The following ERBB4 variants were observed in gnomAD, a reference collection of about 807,000 sequenced individuals.
ERBB4 encodes receptor tyrosine-protein kinase erbB-4.
Under a neutral mutation model 158.0 loss-of-function variants are expected in ERBB4, and 42 were observed. The observed-to-expected ratio is 0.27, with a 90% confidence interval of 0.21 to 0.34. The LOEUF is 0.34. Among genes scored for constraint, ERBB4 ranks in the 10% least tolerant of loss-of-function variants. The pLI is 1.00. For synonymous variants in ERBB4, 583 were observed against 558.7 expected (o/e 1.04, Z -0.61); for missense variants, 1,333 against 1,624.1 (o/e 0.82, Z 3.08).
At chr2:211,980,957 G>T (rs1490685686) in intron 2 of ERBB4, among the ~76,000 whole-genome samples, 1 of 151,902 alleles carries the variant, frequency 6.6e-6, no homozygotes, top group Non-Finnish European at 1.5e-5. Flanking sequence ...AGAACAGCAG[G>T]GAGCAGCCGT....
chr2:211,627,483 G>A (rs2069906554), intron 17 of ERBB4, among the ~76,000 whole-genome samples: 1 of 152,206 alleles, frequency 6.6e-6, no homozygotes, highest in Non-Finnish European at 1.5e-5. Context: ...CCTAGAAAGT[G>A]TTTTCCTAGA....
At chr2:212,435,679 T>C (rs753825667) in intron 1 of ERBB4, among the ~76,000 whole-genome samples, 3 of 151,916 alleles carry the variant, frequency 2.0e-5, no homozygotes, top group Non-Finnish European at 4.4e-5. Flanking sequence ...AGGTTCTAGA[T>C]GAAGTCTTTT....
chr2:211,547,199 C>G (rs2066963340), intron 20 of ERBB4, among the ~76,000 whole-genome samples: 1 of 151,980 alleles, frequency 6.6e-6, no homozygotes, highest in Non-Finnish European at 1.5e-5. Flanking sequence ...TGAAATCTCT[C>G]TTTAAATTTT....
intron 5 of ERBB4, among the ~76,000 whole-genome samples, chr2:211,739,496 G>A (rs376184960): frequency 1.3e-5 from 2 of 151,942 alleles, no homozygotes; most frequent in Admixed American, 6.6e-5. Context: ...ACAGAGTCTC[G>A]CTCTGTCACC....
At chr2:212,116,061 T>C (rs181826916) in intron 2 of ERBB4, among the ~76,000 whole-genome samples, 108 of 152,190 alleles carry the variant, frequency 7.1e-4, no homozygotes, top group African/African-American at 2.6e-3. Context: ...AAATAATAGA[T>C]TGTTTTCATT....
At chr2:211,842,987 A>G (rs1329629085) in intron 3 of ERBB4, among the ~76,000 whole-genome samples, 1 of 152,154 alleles carries the variant, frequency 6.6e-6, no homozygotes, top group Non-Finnish European at 1.5e-5. Flanking sequence ...GTTATAAAAC[A>G]GTTAAAATCA....
rs537222395 is a variant in ERBB4 at position 211,522,267 on chromosome 2, A to T, written c.2487+39636T>A. ...AGGACTTTGGAAGAAATTGATTCCAACTCTCATGGATGACTTTGAAGGGTT... is the reference window on the plus strand; with the variant it reads ...AGGACTTTGGAAGAAATTGATTCCATCTCTCATGGATGACTTTGAAGGGTT... On this transcript the variant is annotated intron_variant, in intron 20 of 27. Coordinates refer to ENST00000342788, the MANE Select transcript of ERBB4 (RefSeq NM_005235.3). Among the ~76,000 whole-genome samples, 4 of 152,202 alleles carry T rather than the reference A, an allele frequency of 2.6e-5. No homozygotes were observed. The South Asian group carries it at 8.3e-4, about 32-fold the overall frequency.
At chr2:211,999,933 T>C (rs559213430) in intron 2 of ERBB4, among the ~76,000 whole-genome samples, 1 of 151,816 alleles carries the variant, frequency 6.6e-6, no homozygotes, top group Non-Finnish European at 1.5e-5. Context: ...GTGGTTATTA[T>C]GATTATATAA....
Position 211,381,438 on chromosome 2 carries a change from TCCC to T in ERBB4, c.*2174_*2176del. On this transcript the variant is annotated 3_prime_UTR_variant, in exon 28 of 28. Coordinates refer to ENST00000342788, the MANE Select transcript of ERBB4 (RefSeq NM_005235.3). The stretch of plus-strand genomic sequence containing the variant: ...CAATTTGAAGGATGTTTAACTTATA[TCCC>T]AAATGAGTTTAAAGGAGATATCTTA... 1 of 232,064 alleles carries T rather than the reference TCCC, an allele frequency of 4.3e-6. No homozygotes were observed. The highest frequency in any genetic ancestry group is 8.5e-6 in the Non-Finnish European group (1 of 117,346). 14.4% of individuals were successfully genotyped at this position (232,064 alleles called of 1,614,324 possible).
In ERBB4 at chr2:211,576,423, C is replaced by T. The variant is rs546721800; in HGVS notation, c.2302-14335G>A. On this transcript the variant is annotated intron_variant, in intron 19 of 27. Transcript: ENST00000342788. Reference sequence around the variant, plus strand: ...CATGGTATCTTGGGTTTCCATAATGCCTGCCCTAGGAAAGGTCAATTCATG... The same window carrying T: ...CATGGTATCTTGGGTTTCCATAATGTCTGCCCTAGGAAAGGTCAATTCATG... Among the ~76,000 whole-genome samples, 227 of 152,276 alleles carry T rather than the reference C, an allele frequency of 1.5e-3. 3 individuals are homozygous for T. The highest frequency in any genetic ancestry group is 4.9e-3 in the African/African-American group (205 of 41,562).
intron 2 of ERBB4, among the ~76,000 whole-genome samples, chr2:212,024,329 A>T (rs533332976): frequency 1.3e-4 from 17 of 132,944 alleles, no homozygotes; most frequent in East Asian, 1.1e-3. Flanking sequence ...CAAAGCACAT[A>T]AAAAAAAACA....
chr2:211,543,125 T>C (rs1274520865), intron 20 of ERBB4, among the ~76,000 whole-genome samples: 1 of 151,990 alleles, frequency 6.6e-6, no homozygotes, highest in Admixed American at 6.6e-5. Flanking sequence ...GTTTTGCTGA[T>C]AAAATTCTTG....
At chr2:212,047,715 C>T (rs2077293033) in intron 2 of ERBB4, among the ~76,000 whole-genome samples, 1 of 151,120 alleles carries the variant, frequency 6.6e-6, no homozygotes, top group Non-Finnish European at 1.5e-5. Flanking sequence ...AACTCCTGAG[C>T]TCAAGCAATC....
intron 1 of ERBB4, among the ~76,000 whole-genome samples, chr2:212,369,515 A>T (rs2090011203): frequency 6.6e-6 from 1 of 151,728 alleles, no homozygotes; most frequent in South Asian, 2.1e-4. Flanking sequence ...ATTTTTCTTC[A>T]CTCATCTCTA....
At chr2:212,184,300 G>C (rs1409345466) in intron 1 of ERBB4, among the ~76,000 whole-genome samples, 1 of 151,866 alleles carries the variant, frequency 6.6e-6, no homozygotes, top group South Asian at 2.1e-4. Flanking sequence ...AGACCCTGCC[G>C]AAAACCCTGT....
intron 2 of ERBB4, among the ~76,000 whole-genome samples, chr2:211,964,769 G>A (rs761232939): frequency 1.3e-4 from 20 of 152,094 alleles, no homozygotes; most frequent in Non-Finnish European, 2.2e-4. Flanking sequence ...ATTAGGTCAT[G>A]GGGATTAAGA....
intron 3 of ERBB4, among the ~76,000 whole-genome samples, chr2:211,806,084 T>TG (rs1285085165): frequency 5.9e-5 from 9 of 152,082 alleles, no homozygotes; most frequent in Non-Finnish European, 1.0e-4. Context: ...CCCTTAAGTT[T>TG]AATCGAGCCA....
rs114396424 is a variant in ERBB4, at chr2:212,189,317, G to T, written c.83-64414C>A. On this transcript the variant is annotated intron_variant, in intron 1 of 27. Transcript: ENST00000342788. Reference sequence around the variant, plus strand: ...TCCTTAAATCAGTTGAGTGAATGAGGGTTCTCTTTCCTCTACAATATTCAG... The same window carrying T: ...TCCTTAAATCAGTTGAGTGAATGAGTGTTCTCTTTCCTCTACAATATTCAG... Among the ~76,000 whole-genome samples, 1,310 of 151,898 alleles carry T rather than the reference G, an allele frequency of 8.6e-3. 10 individuals are homozygous for T. The highest frequency in any genetic ancestry group is 0.03 in the African/African-American group (1,239 of 41,434).
intron 2 of ERBB4, among the ~76,000 whole-genome samples, chr2:212,116,573 G>A (rs2079577875): frequency 6.6e-6 from 1 of 151,998 alleles, no homozygotes. Context: ...TCAGCCTCCT[G>A]AGTAGGTGGG....
Sources: allele counts gnomAD v4.1 joint callset (sites outside exome capture counted in the v4.1 genomes callset), GRCh38; gene constraint gnomAD v4.1.1; transcripts MANE v1.5; gene names NCBI Gene and HGNC (gene_info 2026-07-23, HGNC 2026-07-21).